CTNNA3: variants seen among roughly 807,000 people sequenced by gnomAD.
CTNNA3 encodes the protein catenin alpha 3, also known as catenin alpha-3.
A neutral mutation model predicts 95.7 loss-of-function variants in CTNNA3; 76 were observed. The observed-to-expected ratio is 0.79, with a 90% confidence interval of 0.66 to 0.96. The LOEUF (loss-of-function observed/expected upper bound fraction) is 0.96. CTNNA3 is among the 40% of genes least tolerant of loss of function. The pLI is 0.00. For synonymous variants in CTNNA3, 431 were observed against 374.4 expected (o/e 1.15, Z -1.74); for missense variants, 1,191 against 1,089.8 (o/e 1.09, Z -1.31).
intron 13 of CTNNA3, among the ~76,000 whole-genome samples, chr10:66,170,793 G>C (rs1327356117): frequency 6.6e-6 from 1 of 151,280 alleles, no homozygotes; most frequent in Non-Finnish European, 1.5e-5. Context: ...ATGAAGGCAA[G>C]AGCCTTCTAG....
chr10:66,286,147 C>T (rs563051041), intron 12 of CTNNA3, among the ~76,000 whole-genome samples: 40 of 151,982 alleles, frequency 2.6e-4, no homozygotes, highest in African/African-American at 8.4e-4. Flanking sequence ...CATAGTATAT[C>T]CATATATTTC....
chr10:66,674,042 T>G (rs1846758748), intron 9 of CTNNA3, among the ~76,000 whole-genome samples: 1 of 151,882 alleles, frequency 6.6e-6, no homozygotes, highest in Admixed American at 6.6e-5. Context: ...GTCTGAAGCC[T>G]CAAGTCTTTA....
chr10:67,579,178 T>C (rs1208572360), intron 3 of CTNNA3, among the ~76,000 whole-genome samples: 1 of 146,312 alleles, frequency 6.8e-6, no homozygotes, highest in African/African-American at 2.6e-5. Context: ...ACATTAGGTA[T>C]ATCTCCCAGT....
At chr10:67,097,759 C>T (rs1414512900) in intron 7 of CTNNA3, 1 of 1,612,440 alleles carries the variant, frequency 6.2e-7, no homozygotes, top group Non-Finnish European at 8.5e-7. Flanking sequence ...ATCACAACAG[C>T]TGGCCGAATC....
chr10:66,041,833 T>TTA (rs2079695864), intron 15 of CTNNA3, among the ~76,000 whole-genome samples: 2 of 152,226 alleles, frequency 1.3e-5, no homozygotes, highest in Non-Finnish European at 2.9e-5. Context: ...AACTCCATTC[T>TTA]TATATCCCTG....
chr10:66,818,029 G>A (rs1842157738), intron 7 of CTNNA3, among the ~76,000 whole-genome samples: 1 of 150,372 alleles, frequency 6.7e-6, no homozygotes. Context: ...ATAGAATAAT[G>A]AACCAAAACC....
intron 5 of CTNNA3, among the ~76,000 whole-genome samples, chr10:67,409,574 GGA>G (rs747647135): frequency 6.6e-6 from 1 of 152,006 alleles, no homozygotes; most frequent in Admixed American, 6.6e-5. Flanking sequence ...AACACACACT[GGA>G]GGCTGTTAGG....
At chr10:66,540,569 T>A (rs1352159248) in intron 10 of CTNNA3, among the ~76,000 whole-genome samples, 1 of 152,132 alleles carries the variant, frequency 6.6e-6, no homozygotes, top group Non-Finnish European at 1.5e-5. Context: ...CGTTTTTTCA[T>A]GTAAACTGCC....
intron 10 of CTNNA3, among the ~76,000 whole-genome samples, chr10:66,521,094 C>A (rs896399764): frequency 2.0e-5 from 3 of 151,164 alleles, no homozygotes; most frequent in Non-Finnish European, 4.4e-5. Flanking sequence ...TGGTTAAATA[C>A]ATTCATCATC....
chr10:67,703,652 G>A (rs1277675246), intron 1 of CTNNA3, among the ~76,000 whole-genome samples: 1 of 151,750 alleles, frequency 6.6e-6, no homozygotes, highest in African/African-American at 2.4e-5. Flanking sequence ...ATCTATGACA[G>A]ACCCACAGCC....
intron 11 of CTNNA3, among the ~76,000 whole-genome samples, chr10:66,437,129 T>C (rs1200305085): frequency 6.6e-6 from 1 of 152,162 alleles, no homozygotes; most frequent in African/African-American, 2.4e-5. Context: ...CATTTTTTCC[T>C]TCATTTCAAC....
intron 9 of CTNNA3, among the ~76,000 whole-genome samples, chr10:66,682,360 G>T (rs963122954): frequency 2.0e-5 from 3 of 151,962 alleles, no homozygotes; most frequent in African/African-American, 7.2e-5. Flanking sequence ...AAAATTAAAA[G>T]AAAATAAAGA....
rs1326905121 is a variant in CTNNA3 at position 67,745,937 on chromosome 10, A to G, written c.-2+17497T>C. ...AAGAAATTGAAGAGGACACAAAAAA[A>G]TAGAAAGATATTCCATGTTCATGGA... On this transcript the variant is annotated intron_variant, in intron 1 of 17. Transcript: ENST00000684154. Among the ~76,000 whole-genome samples, 3 of 152,328 alleles carry G rather than the reference A, an allele frequency of 2.0e-5. No individual in the cohort carries two copies. The East Asian group carries it at 5.8e-4, about 29-fold the overall frequency.
intron 7 of CTNNA3, among the ~76,000 whole-genome samples, chr10:66,883,011 G>C (rs191880615): frequency 1.1e-4 from 17 of 151,970 alleles, no homozygotes; most frequent in Non-Finnish European, 1.6e-4. Context: ...TCTGGGGTGG[G>C]ACCAGGCCTC....
At chr10:67,650,090 C>T (rs1839833996) in intron 1 of CTNNA3, among the ~76,000 whole-genome samples, 1 of 152,176 alleles carries the variant, frequency 6.6e-6, no homozygotes, top group Non-Finnish European at 1.5e-5. Flanking sequence ...CCGCCCGCCT[C>T]ACCCTCCCAA....
chr10:66,729,625 C>A (rs1410436766), intron 9 of CTNNA3, among the ~76,000 whole-genome samples: 1 of 152,116 alleles, frequency 6.6e-6, no homozygotes, highest in Non-Finnish European at 1.5e-5. Flanking sequence ...ATACAGTGAA[C>A]TTTGGGGACT....
At chr10:66,229,798 T>C (rs949993417) in intron 13 of CTNNA3, among the ~76,000 whole-genome samples, 12 of 152,170 alleles carry the variant, frequency 7.9e-5, no homozygotes, top group African/African-American at 2.9e-4. Flanking sequence ...TATTATTTCA[T>C]TAAATAGGTT....
intron 2 of CTNNA3, among the ~76,000 whole-genome samples, chr10:67,614,904 A>G (rs1843596201): frequency 6.6e-6 from 1 of 152,164 alleles, no homozygotes; most frequent in East Asian, 1.9e-4. Context: ...CCTCACATGT[A>G]TGCACACAAC....
At chr10:66,978,065 TATAC>T (rs1222690772) in intron 7 of CTNNA3, among the ~76,000 whole-genome samples, 4,409 of 41,702 alleles carry the variant, frequency 0.11, 369 homozygotes, top group East Asian at 0.6. Flanking sequence ...TATATATATA[TATAC>T]ACACACACAC....
Sources: allele counts gnomAD v4.1 joint callset (sites outside exome capture counted in the v4.1 genomes callset), GRCh38; gene constraint gnomAD v4.1.1; transcripts MANE v1.5; gene names NCBI Gene and HGNC (gene_info 2026-07-23, HGNC 2026-07-21).